The following NLRP12 variants were observed in gnomAD, a reference collection of about 807,000 sequenced individuals.
NLRP12 encodes NLR family pyrin domain containing 12.
Under a neutral mutation model 91.2 loss-of-function variants are expected in NLRP12, and 108 were observed. The observed-to-expected ratio is 1.18, with a 90% confidence interval of 1.01 to 1.39. The LOEUF (loss-of-function observed/expected upper bound fraction) is 1.39. Ranked by LOEUF, NLRP12 falls within the 40% of genes most tolerant of loss-of-function variation. NLRP12 has a pLI of 0.00. For synonymous variants in NLRP12, 613 were observed against 566.7 expected (o/e 1.08, Z -1.16); for missense variants, 1,530 against 1,352.7 (o/e 1.13, Z -2.06).
At chr19:53,804,237 G>C (rs1014263503) in intron 5 of NLRP12, 115 bp from the exon 6 acceptor site, 3 of 1,224,188 alleles carry the variant, frequency 2.5e-6, no homozygotes, top group Non-Finnish European at 3.5e-6. Context: ...CTGTCACCCA[G>C]GGTGAAGTTC....
At chr19:53,819,668 C>CGTGTATATATATACACACACGTAT (rs1555799178) in intron 1 of NLRP12, among the ~76,000 whole-genome samples, 1 of 8,648 alleles carries the variant, frequency 1.2e-4, no homozygotes, top group African/African-American at 4.1e-4. Flanking sequence ...CACATGTATA[C>CGTGTATATATATACACACACGTAT]ATATATGTAT....
chr19:53,795,182 T>C (rs2091731258), intron 9 of NLRP12, among the ~76,000 whole-genome samples: 1 of 151,470 alleles, frequency 6.6e-6, no homozygotes, highest in South Asian at 2.1e-4. Context: ...GTACTGGGAT[T>C]ACAGGCGCCA....
At chr19:53,805,966 G>A (rs1000211554) in intron 4 of NLRP12, among the ~76,000 whole-genome samples, 1 of 152,014 alleles carries the variant, frequency 6.6e-6, no homozygotes, top group South Asian at 2.1e-4. Context: ...ATGTGCGGTG[G>A]CTCAAGCCTG....
At chr19:53,801,427 T>C (rs2091869388) in intron 6 of NLRP12, 30 bp from the exon 7 acceptor site, 1 of 1,606,372 alleles carries the variant, frequency 6.2e-7, no homozygotes, top group Non-Finnish European at 8.5e-7. Context: ...ACAAGCATTA[T>C]GGAGGCTTTC....
rs1423226829 is a variant in NLRP12 at position 53,810,046 on chromosome 19, T to C, written c.1613A>G (p.Asp538Gly). Residue 538 changes from aspartate (D) to glycine (G), a missense_variant, in exon 3 of 10, where the codon GAC becomes GGC. Coordinates refer to ENST00000324134, the MANE Select transcript of NLRP12 (RefSeq NM_144687.4). Reference protein sequence around the residue: ...LDEGEGGAGPDQDVTRLLTEY... With the variant: ...LDEGEGGAGPGQDVTRLLTEY... Reference sequence around the variant, plus strand: ...GGTCAACAGCCTGGTCACGTCCTGGTCTGGGCCTGCCCCGCCCTCCCCCTC... The same window carrying C: ...GGTCAACAGCCTGGTCACGTCCTGGCCTGGGCCTGCCCCGCCCTCCCCCTC... 6.2e-6 allele frequency: 10 copies of C among 1,614,014 alleles called. No homozygotes were observed. Among genetic ancestry groups the C allele is most frequent in the Non-Finnish European group, 8.5e-6 (10 of 1,180,020 alleles).
Position 53,807,531 on chromosome 19 carries a change from C to A in NLRP12, c.2207G>T (p.Gly736Val), listed in dbSNP as rs2091980049. 1 of 1,614,130 alleles carries A rather than the reference C, an allele frequency of 6.2e-7. No homozygotes were observed. The highest frequency in any genetic ancestry group is 8.5e-7 in the Non-Finnish European group (1 of 1,180,020). Residue 736 changes from glycine (G) to valine (V), a missense_variant, in exon 4 of 10, where the codon GGA becomes GTA. Physicochemically the swap from Gly to Val is moderately radical, Grantham distance 109. Transcript: ENST00000324134. ...GSRGVKLLCQ[G>V]LRHPNCKLQN... ...AAGTTTGCAGTTGGGGTGTCTGAGTCCTTGACAGAGCAGCTTCACCCCCCG... is the reference window on the plus strand; with the variant it reads ...AAGTTTGCAGTTGGGGTGTCTGAGTACTTGACAGAGCAGCTTCACCCCCCG...
At position 53,805,354 on chromosome 19, in the gene NLRP12, G is replaced by T. The variant is rs371264069; in HGVS notation, c.2340C>A (p.Asn780Lys). 4 of 1,614,058 alleles carry T rather than the reference G, an allele frequency of 2.5e-6. 1 individual carries two copies. The highest frequency in any genetic ancestry group is 2.2e-5 in the South Asian group (2 of 91,076). ...KNLTRMDLSG[N>K]GVGFPGMMLL... Reference sequence around the variant, plus strand: ...GCATCATGCCTGGGAATCCAACGCCGTTGCCACTGAGATCCATCCTTGTCA... The same window carrying T: ...GCATCATGCCTGGGAATCCAACGCCTTTGCCACTGAGATCCATCCTTGTCA... The change falls in exon 5 of 10, where the codon AAC becomes AAA. Residue 780 changes from asparagine (N) to lysine (K), a missense_variant. Physicochemically the swap from Asn to Lys is moderately conservative, Grantham distance 94 (BLOSUM62 0). Transcript: ENST00000324134.
chr19:53,818,951 C>T (rs144405159), intron 1 of NLRP12, among the ~76,000 whole-genome samples: 44 of 152,194 alleles, frequency 2.9e-4, no homozygotes, highest in Non-Finnish European at 1.5e-4. Context: ...GGCCCAGGGG[C>T]ATATCGATTC....
At chr19:53,816,978 A>T (rs565001734) in intron 1 of NLRP12, among the ~76,000 whole-genome samples, 1 of 146,906 alleles carries the variant, frequency 6.8e-6, no homozygotes, top group African/African-American at 2.5e-5. Context: ...AATGTACAAC[A>T]CTCAGCAGCA....
rs1210179524 is a variant in NLRP12, at chr19:53,810,314, C to T, written c.1345G>A (p.Ala449Thr). 2.5e-6 allele frequency: 4 copies of T among 1,613,590 alleles called. No individual in the cohort carries two copies. Among genetic ancestry groups the T allele is most frequent in the Admixed American group, 1.7e-5 (1 of 59,974 alleles). ...TTGGGTGGGGGCTGGAGGCGCGGGG[C>T]CCCCGGCTTGGGTTGCATCAGACTC... is the stretch of plus-strand genomic sequence containing the variant. ...LLSLMQPKPG[A>T]PRLQPPPNQR... The change falls in exon 3 of 10, where the codon GCC becomes ACC. Residue 449 changes from alanine (A) to threonine (T), a missense_variant. Coordinates refer to ENST00000324134, the MANE Select transcript of NLRP12 (RefSeq NM_144687.4).
intron 1 of NLRP12, among the ~76,000 whole-genome samples, chr19:53,816,590 C>T (rs2092163297): frequency 6.6e-6 from 1 of 152,084 alleles, no homozygotes; most frequent in Non-Finnish European, 1.5e-5. Flanking sequence ...GGCGCGATCT[C>T]GGCTCACTAC....
intron 1 of NLRP12, among the ~76,000 whole-genome samples, chr19:53,815,853 A>T (rs929434589): frequency 6.2e-4 from 93 of 150,364 alleles, no homozygotes; most frequent in African/African-American, 2.2e-3. Context: ...CTCGTGATCC[A>T]CCCAACTCGG....
At chr19:53,807,768 G>T (rs965720336) in intron 3 of NLRP12, 103 bp from the exon 4 acceptor site, 96 of 1,388,562 alleles carry the variant, frequency 6.9e-5, no homozygotes, top group Non-Finnish European at 9.4e-5. Flanking sequence ...ATCCTTTTTT[G>T]AGACGGAGTT....
At chr19:53,816,051 T>C (rs538576232) in intron 1 of NLRP12, among the ~76,000 whole-genome samples, 2 of 151,872 alleles carry the variant, frequency 1.3e-5, no homozygotes, top group South Asian at 4.2e-4. Flanking sequence ...GAAATAGTGG[T>C]ATGGGCCATC....
At chr19:53,803,210 T>C (rs905807089) in intron 6 of NLRP12, among the ~76,000 whole-genome samples, 2 of 151,766 alleles carry the variant, frequency 1.3e-5, no homozygotes, top group African/African-American at 2.4e-5. Context: ...AGACGGAGTT[T>C]CGTTTTTGTT....
chr19:53,806,372 C>T (rs550699425), intron 4 of NLRP12, among the ~76,000 whole-genome samples: 6 of 151,550 alleles, frequency 4.0e-5, no homozygotes, highest in East Asian at 2.0e-4. Flanking sequence ...AACCCCATCT[C>T]TCCAAAACAT....
chr19:53,798,509 G>A (rs1257227745), intron 7 of NLRP12, 96 bp from the exon 8 acceptor site: 1 of 1,237,044 alleles, frequency 8.1e-7, no homozygotes, highest in Non-Finnish European at 1.2e-6. Flanking sequence ...GTTGCAGACA[G>A]AGGGACAGAC....
At position 53,796,020 on chromosome 19, in the gene NLRP12, G is replaced by T. The variant is rs1158255725; in HGVS notation, c.2937C>A (p.Ser979Arg). 6.2e-7 allele frequency: 1 copy of T among 1,614,112 alleles called. No individual in the cohort carries two copies. The highest frequency in any genetic ancestry group is 8.5e-7 in the Non-Finnish European group (1 of 1,179,968). The change falls in exon 9 of 10, where the codon AGC becomes AGA. Residue 979 changes from serine to arginine, a missense_variant. By Grantham distance (110) the Ser-to-Arg change is moderately radical. Coordinates refer to ENST00000324134, the MANE Select transcript of NLRP12 (RefSeq NM_144687.4). ...ACRLQKLWLD[S>R]CGLTAKACEN... The stretch of plus-strand genomic sequence containing the variant: ...CACAAGCCTTGGCTGTGAGGCCACA[G>T]CTATCCAGCCTGGTGAAGATAAGGA...
At chr19:53,811,444 G>A (rs943426431) in intron 2 of NLRP12, among the ~76,000 whole-genome samples, 156 bp from the exon 3 acceptor site, 3 of 151,906 alleles carry the variant, frequency 2.0e-5, no homozygotes, top group Non-Finnish European at 2.9e-5. Context: ...AACCCCTGAG[G>A]TGGAGGTTGC....
Sources: allele counts gnomAD v4.1 joint callset (sites outside exome capture counted in the v4.1 genomes callset), GRCh38; gene constraint gnomAD v4.1.1; transcripts MANE v1.5; gene names NCBI Gene and HGNC (gene_info 2026-07-23, HGNC 2026-07-21).